FANCC: variants seen among roughly 807,000 people sequenced by gnomAD.
The protein encoded by FANCC is Fanconi anemia group C protein.
A neutral mutation model predicts 71.3 loss-of-function variants in FANCC; 55 were observed. The observed-to-expected ratio is 0.77, with a 90% CI of 0.62 to 0.97. The LOEUF (loss-of-function observed/expected upper bound fraction) is 0.97. Among genes scored for constraint, FANCC ranks in the 50% least tolerant of loss-of-function variants. FANCC has a pLI of 0.00. For synonymous variants in FANCC, 275 were observed against 244.9 expected (o/e 1.12, Z -1.15); for missense variants, 678 against 670.9 (o/e 1.01, Z -0.12).
rs181162516 is a variant in FANCC at position 95,306,881 on chromosome 9, T to G, written c.-79+10645A>C. Among the ~76,000 whole-genome samples, 65 of 152,220 alleles carry G rather than the reference T, an allele frequency of 4.3e-4. 1 individual carries two copies. The East Asian group carries it at 0.012, about 27-fold the overall frequency. On this transcript the variant is annotated intron_variant, in intron 1 of 14. Coordinates refer to ENST00000289081, the MANE Select transcript of FANCC (RefSeq NM_000136.3). ...TTCTTTTCTAATTTTTATTTATTTATTTAGTTTTTAGACACAGGGTTTCGC... is the reference window on the plus strand; with the variant it reads ...TTCTTTTCTAATTTTTATTTATTTAGTTAGTTTTTAGACACAGGGTTTCGC...
intron 1 of FANCC, among the ~76,000 whole-genome samples, chr9:95,284,016 G>C (rs1325692516): frequency 1.3e-5 from 2 of 152,204 alleles, no homozygotes; most frequent in Non-Finnish European, 2.9e-5. Context: ...TACACAGAAA[G>C]CACTTAGAAT....
intron 1 of FANCC, among the ~76,000 whole-genome samples, chr9:95,291,760 C>T (rs1834016668): frequency 1.3e-5 from 2 of 151,620 alleles, no homozygotes; most frequent in South Asian, 4.2e-4. Context: ...CCACCCTGGC[C>T]AACATGGCGA....
chr9:95,167,597 C>T lies in FANCC; in HGVS notation c.521+3482G>A, dbSNP rs758184186. 6.6e-5 allele frequency among the ~76,000 whole-genome samples: 10 copies of T among 152,242 alleles called. No homozygotes were observed. In the East Asian group the frequency reaches 1.7e-3, roughly 26 times the overall value. The stretch of plus-strand genomic sequence containing the variant: ...TTTGATCAAGTCTACTGCTGAACCC[C>T]TCTAGTAAGTTTTTCAATTCACTTA... On this transcript the variant is annotated intron_variant, in intron 6 of 14. Coordinates refer to ENST00000289081, the MANE Select transcript of FANCC (RefSeq NM_000136.3).
rs371422485 is a variant in FANCC at position 95,150,091 on chromosome 9, T to C, written c.522-4A>G. ...CGCCACTCGCTCGGGAGCCATTCTA[T>C]GGAAGAAATAAGAAATAATCACTCA... On this transcript the variant is annotated splice_region_variant and splice_polypyrimidine_tract_variant and intron_variant, in intron 6 of 14. Coordinates refer to ENST00000289081, the MANE Select transcript of FANCC (RefSeq NM_000136.3). 28 of 1,613,892 alleles carry C rather than the reference T, an allele frequency of 1.7e-5. No individual in the cohort carries two copies. The African/African-American group carries it at 3.5e-4, about 20-fold the overall frequency.
chr9:95,231,370 C>T (rs1346956531), intron 4 of FANCC, among the ~76,000 whole-genome samples: 4 of 152,202 alleles, frequency 2.6e-5, no homozygotes, highest in Non-Finnish European at 5.9e-5. Flanking sequence ...CCTGGAGAAA[C>T]TCCAACCAGC....
chr9:95,127,750 C>T (rs1259341991), intron 8 of FANCC, among the ~76,000 whole-genome samples: 1 of 152,200 alleles, frequency 6.6e-6, no homozygotes, highest in Non-Finnish European at 1.5e-5. Flanking sequence ...CCGGCCGTGC[C>T]CTGGATCACA....
intron 11 of FANCC, among the ~76,000 whole-genome samples, chr9:95,115,044 G>A (rs935917238): frequency 2.0e-5 from 3 of 152,168 alleles, no homozygotes; most frequent in Non-Finnish European, 2.9e-5. Flanking sequence ...GGGCTCAAGC[G>A]ATCTTCCTAC....
At chr9:95,234,416 C>T (rs1830180307) in intron 4 of FANCC, among the ~76,000 whole-genome samples, 1 of 152,186 alleles carries the variant, frequency 6.6e-6, no homozygotes, top group Non-Finnish European at 1.5e-5. Flanking sequence ...ACCAAACTGA[C>T]TAATCACAAT....
chr9:95,154,840 C>T lies in FANCC; in HGVS notation c.522-4753G>A, dbSNP rs191480864. 4.6e-4 allele frequency among the ~76,000 whole-genome samples: 70 copies of T among 152,072 alleles called. No homozygotes were observed. In the East Asian group the frequency reaches 0.01, roughly 22 times the overall value. ...CTGGGCAACAGGCACACAGTTTTTC[C>T]ATGACATAAGTGTTTTATAATAAAA... On this transcript the variant is annotated intron_variant, in intron 6 of 14. Transcript: ENST00000289081.
intron 1 of FANCC, chr9:95,294,443 G>A: frequency 2.5e-6 from 4 of 1,604,128 alleles, no homozygotes; most frequent in East Asian, 2.2e-5. Flanking sequence ...ATGTTTGACA[G>A]ACAAACACAG....
intron 6 of FANCC, among the ~76,000 whole-genome samples, chr9:95,165,428 C>T (rs1831011115): frequency 6.6e-6 from 1 of 151,846 alleles, no homozygotes; most frequent in South Asian, 2.1e-4. Context: ...GCATTTACCA[C>T]TATAAACTTC....
chr9:95,214,129 G>GA (rs1042539418), intron 4 of FANCC, among the ~76,000 whole-genome samples: 3 of 152,118 alleles, frequency 2.0e-5, no homozygotes, highest in Admixed American at 1.3e-4. Context: ...TAGCTACTAT[G>GA]AAAAAAACAG....
At chr9:95,103,627 C>T (rs2071222657) in intron 14 of FANCC, among the ~76,000 whole-genome samples, 1 of 152,144 alleles carries the variant, frequency 6.6e-6, no homozygotes, top group African/African-American at 2.4e-5. Flanking sequence ...AGGCCAGGAG[C>T]CAGAGAGGCA....
intron 4 of FANCC, among the ~76,000 whole-genome samples, chr9:95,238,680 C>T (rs957128093): frequency 6.6e-6 from 1 of 152,090 alleles, no homozygotes; most frequent in Admixed American, 6.5e-5. Flanking sequence ...ATTCTCCTGC[C>T]TCAGCCTCCC....
At chr9:95,127,861 C>T (rs375344766) in intron 8 of FANCC, among the ~76,000 whole-genome samples, 3 of 152,244 alleles carry the variant, frequency 2.0e-5, no homozygotes, top group Admixed American at 2.0e-4. Flanking sequence ...GGGCTCCAGG[C>T]AGGAGCTCTG....
chr9:95,201,721 T>G (rs1442141758), intron 4 of FANCC, among the ~76,000 whole-genome samples: 1 of 152,218 alleles, frequency 6.6e-6, no homozygotes, highest in African/African-American at 2.4e-5. Context: ...TGAAATCTGT[T>G]GGTTGAGTAC....
chr9:95,310,223 C>G (rs956247687), intron 1 of FANCC, among the ~76,000 whole-genome samples: 1 of 152,026 alleles, frequency 6.6e-6, no homozygotes. Flanking sequence ...ATTAATTAGC[C>G]AGACATTGTG....
chr9:95,108,575 G>A (rs775549407), intron 13 of FANCC, among the ~76,000 whole-genome samples: 13 of 152,166 alleles, frequency 8.5e-5, no homozygotes, highest in Admixed American at 6.5e-5. Flanking sequence ...CTTGAACACC[G>A]ATAACTAACT....
intron 13 of FANCC, chr9:95,110,459 T>TA: frequency 5.8e-6 from 6 of 1,029,006 alleles, no homozygotes; most frequent in Non-Finnish European, 7.0e-6. Flanking sequence ...GGGGAAGAAA[T>TA]AAAAAGCTTT....
Sources: allele counts gnomAD v4.1 joint callset (sites outside exome capture counted in the v4.1 genomes callset), GRCh38; gene constraint gnomAD v4.1.1; transcripts MANE v1.5; gene names NCBI Gene and HGNC (gene_info 2026-07-23, HGNC 2026-07-21).